UBE2E2: variants seen among roughly 807,000 people sequenced by gnomAD.
UBE2E2 encodes the protein ubiquitin conjugating enzyme E2 E2, also known as ubiquitin-conjugating enzyme E2 E2.
In UBE2E2, 6 loss-of-function variants were observed where a neutral mutation model predicts 24.7. The observed-to-expected ratio is 0.24, with a 90% CI of 0.13 to 0.48. The LOEUF is 0.48. Among genes scored for constraint, UBE2E2 ranks in the 20% least tolerant of loss-of-function variants. The probability of loss-of-function intolerance (pLI) is 0.99; values close to 1 mark genes in which losing one functional copy is unlikely to be tolerated. For synonymous variants in UBE2E2, 104 were observed against 83.6 expected (o/e 1.24, Z -1.33); for missense variants, 169 against 245.0 (o/e 0.69, Z 2.07).
chr3:23,435,918 G>C (rs1264320534), intron 3 of UBE2E2, among the ~76,000 whole-genome samples: 4 of 152,252 alleles, frequency 2.6e-5, no homozygotes, highest in African/African-American at 9.6e-5. Flanking sequence ...GGGCAGGCTG[G>C]TTTGGGGATG....
At chr3:23,357,093 A>G (rs1038236975) in intron 3 of UBE2E2, among the ~76,000 whole-genome samples, 2 of 152,176 alleles carry the variant, frequency 1.3e-5, no homozygotes, top group African/African-American at 2.4e-5. Context: ...GACCTGGCTT[A>G]AGTATCATTG....
chr3:23,469,553 A>G (rs1698990975), intron 3 of UBE2E2, among the ~76,000 whole-genome samples: 1 of 152,190 alleles, frequency 6.6e-6, no homozygotes, highest in African/African-American at 2.4e-5. Context: ...TTGCCCAGTA[A>G]GAACCTCCCT....
At chr3:23,259,652 G>T (rs1335109422) in intron 3 of UBE2E2, among the ~76,000 whole-genome samples, 1 of 151,882 alleles carries the variant, frequency 6.6e-6, no homozygotes, top group Non-Finnish European at 1.5e-5. Context: ...TATTACATGT[G>T]TGAATATAAC....
chr3:23,588,902 G>A (rs1696693706), intron 5 of UBE2E2, among the ~76,000 whole-genome samples: 1 of 152,132 alleles, frequency 6.6e-6, no homozygotes, highest in Non-Finnish European at 1.5e-5. Context: ...TAGGTTGGAT[G>A]TTACCAAATT....
chr3:23,588,314 T>C (rs1319207228), intron 5 of UBE2E2, among the ~76,000 whole-genome samples: 2 of 151,634 alleles, frequency 1.3e-5, no homozygotes, highest in Non-Finnish European at 2.9e-5. Context: ...AAGAGTGAAA[T>C]TAGAGAATTG....
intron 4 of UBE2E2, among the ~76,000 whole-genome samples, chr3:23,508,941 G>C (rs543110566): frequency 1.2e-4 from 18 of 152,278 alleles, no homozygotes; most frequent in African/African-American, 4.1e-4. Flanking sequence ...TTACCAAAGA[G>C]GGGTGACTTT....
At chr3:23,501,755 G>A (rs183517059) in intron 4 of UBE2E2, among the ~76,000 whole-genome samples, 5 of 152,212 alleles carry the variant, frequency 3.3e-5, no homozygotes, top group Admixed American at 2.6e-4. Flanking sequence ...GACCCACAGT[G>A]GGACAGTCAA....
chr3:23,350,367 T>A (rs1161691433), intron 3 of UBE2E2, among the ~76,000 whole-genome samples: 1 of 152,038 alleles, frequency 6.6e-6, no homozygotes, highest in African/African-American at 2.4e-5. Flanking sequence ...TCACCAGCAA[T>A]GGAACGAAGC....
chr3:23,563,567 T>C (rs538251206), intron 5 of UBE2E2, among the ~76,000 whole-genome samples: 1 of 152,306 alleles, frequency 6.6e-6, no homozygotes, highest in Admixed American at 6.5e-5. Context: ...GAGAGTTCTG[T>C]AGATGTCTAA....
chr3:23,348,822 C>A (rs560853159), intron 3 of UBE2E2, among the ~76,000 whole-genome samples: 1 of 105,732 alleles, frequency 9.5e-6, no homozygotes, highest in East Asian at 2.5e-4. Flanking sequence ...CCTGCAAAAC[C>A]CACAGACTTT....
intron 3 of UBE2E2, among the ~76,000 whole-genome samples, chr3:23,431,465 T>A (rs1236709365): frequency 6.6e-6 from 1 of 151,394 alleles, no homozygotes; most frequent in Non-Finnish European, 1.5e-5. Flanking sequence ...AGGAAAATGC[T>A]ATGAGTACAA....
In UBE2E2 at chr3:23,253,498, C is replaced by T. The variant is rs143665282; in HGVS notation, c.227+36186C>T. Among the ~76,000 whole-genome samples, 745 of 152,312 alleles carry T rather than the reference C, an allele frequency of 4.9e-3. 5 individuals carry two copies. The highest frequency in any genetic ancestry group is 8.0e-3 in the Non-Finnish European group (543 of 68,030). On this transcript the variant is annotated intron_variant, in intron 3 of 5. Transcript: ENST00000396703. ...ATTGTACATAGTGCTGCTGAAACTA[C>T]TACCATTGCTACTGGACTGTGAAAG...
chr3:23,278,464 T>A (rs145355366), intron 3 of UBE2E2, among the ~76,000 whole-genome samples: 72 of 152,292 alleles, frequency 4.7e-4, no homozygotes, highest in African/African-American at 1.4e-3. Flanking sequence ...TAGATAACTT[T>A]CTTTAAACTC....
chr3:23,545,778 G>C (rs769137883), intron 5 of UBE2E2, among the ~76,000 whole-genome samples: 4 of 152,142 alleles, frequency 2.6e-5, no homozygotes, highest in African/African-American at 9.7e-5. Flanking sequence ...CCCGTCAACC[G>C]ATGAGTGGTT....
intron 2 of UBE2E2, among the ~76,000 whole-genome samples, chr3:23,209,279 C>G (rs1017150264): frequency 6.6e-6 from 1 of 152,086 alleles, no homozygotes; most frequent in African/African-American, 2.4e-5. Context: ...TTCCACTACT[C>G]CCAGTTGGTA....
intron 3 of UBE2E2, among the ~76,000 whole-genome samples, chr3:23,329,794 C>T (rs1325329846): frequency 6.6e-6 from 1 of 152,168 alleles, no homozygotes; most frequent in African/African-American, 2.4e-5. Flanking sequence ...AAGGAATTTC[C>T]CAGGAAATCC....
intron 4 of UBE2E2, among the ~76,000 whole-genome samples, chr3:23,511,014 A>T (rs1044314722): frequency 2.6e-5 from 4 of 152,226 alleles, no homozygotes; most frequent in African/African-American, 9.6e-5. Flanking sequence ...GTAATCATGT[A>T]TGTACCATGC....
intron 5 of UBE2E2, among the ~76,000 whole-genome samples, chr3:23,574,604 A>G (rs1559426770): frequency 6.6e-6 from 1 of 152,140 alleles, no homozygotes; most frequent in Non-Finnish European, 1.5e-5. Flanking sequence ...AGCCCCAGCT[A>G]CTTAGAAGCC....
chr3:23,388,339 T>C (rs1696853947), intron 3 of UBE2E2, among the ~76,000 whole-genome samples: 1 of 152,234 alleles, frequency 6.6e-6, no homozygotes, highest in South Asian at 2.1e-4. Context: ...CCTTAAAATA[T>C]TGGCATTTGG....
Sources: gnomAD v4.1 joint callset for allele counts (sites outside exome capture counted in the v4.1 genomes callset) on GRCh38, gnomAD v4.1.1 for gene constraint, MANE v1.5 for transcripts, NCBI Gene and HGNC (gene_info 2026-07-23, HGNC 2026-07-21) for gene names.